PLEKHA5: variants seen among roughly 807,000 people sequenced by gnomAD.
PLEKHA5 encodes the protein pleckstrin homology domain-containing family A member 5.
Under a neutral mutation model 181.9 loss-of-function variants are expected in PLEKHA5, and 55 were observed. The ratio of observed to expected loss-of-function variants is 0.30; its 90% CI spans 0.24 to 0.38. The LOEUF is 0.38. Among genes scored for constraint, PLEKHA5 ranks in the 10% least tolerant of loss-of-function variants. The probability of loss-of-function intolerance (pLI) is 1.00; values close to 1 mark genes in which losing one functional copy is unlikely to be tolerated. For synonymous variants in PLEKHA5, 535 were observed against 529.4 expected (o/e 1.01, Z -0.15); for missense variants, 1,432 against 1,549.5 (o/e 0.92, Z 1.27).
At chr12:19,172,160 T>C (rs1400853427) in intron 3 of PLEKHA5, among the ~76,000 whole-genome samples, 1 of 152,232 alleles carries the variant, frequency 6.6e-6, no homozygotes, top group East Asian at 1.9e-4. Flanking sequence ...TAATTGTATG[T>C]GTTATATACT....
chr12:19,211,098 A>G (rs1212354626), intron 3 of PLEKHA5, among the ~76,000 whole-genome samples: 1 of 152,170 alleles, frequency 6.6e-6, no homozygotes, highest in Non-Finnish European at 1.5e-5. Flanking sequence ...TTTAATACTT[A>G]AAAATTATGA....
At chr12:19,291,092 T>A (rs2078323502) in intron 14 of PLEKHA5, among the ~76,000 whole-genome samples, 4 of 152,214 alleles carry the variant, frequency 2.6e-5, no homozygotes. Flanking sequence ...TAACTTCATG[T>A]TGTTACTCAC....
chr12:19,280,429 G>A (rs561154590), intron 11 of PLEKHA5, among the ~76,000 whole-genome samples: 7 of 152,192 alleles, frequency 4.6e-5, no homozygotes, highest in African/African-American at 1.7e-4. Context: ...CAGATTATCA[G>A]CGAAGGATTC....
intron 15 of PLEKHA5, chr12:19,306,293 G>C (rs553507737): frequency 5.5e-6 from 2 of 366,678 alleles, no homozygotes; most frequent in Admixed American, 3.7e-5. Context: ...TTTACAGCTA[G>C]AGTTAATTAT....
At chr12:19,146,456 C>T (rs10770437) in intron 3 of PLEKHA5, among the ~76,000 whole-genome samples, 114,527 of 152,070 alleles carry the variant, frequency 0.75, 46,458 homozygotes, top group Non-Finnish European at 0.91. Flanking sequence ...GTAGACATCT[C>T]GAAAATATTT....
chr12:19,279,353 C>G (rs867769636), intron 11 of PLEKHA5, among the ~76,000 whole-genome samples: 3 of 152,050 alleles, frequency 2.0e-5, no homozygotes, highest in Non-Finnish European at 2.9e-5. Context: ...AGCCCGCAAG[C>G]TCTTTCTGTA....
chr12:19,355,857 G>A (rs1042533436), intron 26 of PLEKHA5, among the ~76,000 whole-genome samples: 1 of 151,918 alleles, frequency 6.6e-6, no homozygotes, highest in African/African-American at 2.4e-5. Flanking sequence ...ACTACAAAAA[G>A]TGCATGTTAA....
chr12:19,220,598 C>T (rs2058795476), intron 3 of PLEKHA5, among the ~76,000 whole-genome samples: 1 of 152,060 alleles, frequency 6.6e-6, no homozygotes, highest in African/African-American at 2.4e-5. Flanking sequence ...ATCTTTAATC[C>T]CTTCTCCATA....
intron 3 of PLEKHA5, among the ~76,000 whole-genome samples, chr12:19,220,023 A>G (rs2058679266): frequency 6.6e-6 from 1 of 152,132 alleles, no homozygotes; most frequent in Admixed American, 6.6e-5. Flanking sequence ...TAATTACAAA[A>G]CCTAAATGAT....
chr12:19,362,561 C>T (rs1000581336), intron 29 of PLEKHA5, among the ~76,000 whole-genome samples: 2 of 151,694 alleles, frequency 1.3e-5, no homozygotes, highest in African/African-American at 4.8e-5. Context: ...AAAGAAAATA[C>T]ATGTACAGCA....
At chr12:19,348,365 G>T in intron 24 of PLEKHA5, 34 bp from the exon 25 acceptor site, 1 of 1,528,264 alleles carries the variant, frequency 6.5e-7, no homozygotes, top group Non-Finnish European at 8.8e-7. Flanking sequence ...ACTTTTAGCA[G>T]TTTTTTAGGG....
intron 15 of PLEKHA5, among the ~76,000 whole-genome samples, chr12:19,299,236 T>G (rs1484433479): frequency 6.6e-6 from 1 of 152,244 alleles, no homozygotes; most frequent in African/African-American, 2.4e-5. Context: ...TAAACTGGAA[T>G]TAAATGTACT....
intron 17 of PLEKHA5, 24 bp from the exon 18 acceptor site, chr12:19,320,538 T>G: frequency 8.5e-7 from 1 of 1,169,872 alleles, no homozygotes; most frequent in Non-Finnish European, 1.3e-6. Context: ...TTTTTTAAGT[T>G]GCTATATGAT....
intron 30 of PLEKHA5, 74 bp from the exon 31 acceptor site, chr12:19,369,619 A>G (rs1344554247): frequency 2.5e-6 from 2 of 797,576 alleles, no homozygotes; most frequent in Non-Finnish European, 4.2e-6. Flanking sequence ...TTGTGGGATT[A>G]CAGCATCAGG....
At chr12:19,148,547 G>A (rs1158626426) in intron 3 of PLEKHA5, among the ~76,000 whole-genome samples, 4 of 152,108 alleles carry the variant, frequency 2.6e-5, no homozygotes, top group Admixed American at 6.5e-5. Flanking sequence ...TTGATTCTCA[G>A]GACAACCCCA....
At chr12:19,185,565 A>AT (rs1325088917) in intron 3 of PLEKHA5, among the ~76,000 whole-genome samples, 1 of 152,194 alleles carries the variant, frequency 6.6e-6, no homozygotes, top group Non-Finnish European at 1.5e-5. Context: ...ACTTTATCAT[A>AT]TTAGTTGAGT....
chr12:19,183,547 C>T (rs986622492), intron 3 of PLEKHA5, among the ~76,000 whole-genome samples: 2 of 151,944 alleles, frequency 1.3e-5, no homozygotes, highest in East Asian at 1.9e-4. Context: ...CAGATTGTAA[C>T]GACACTTTAA....
chr12:19,152,577 GGGTCCAA>G (rs2040682963), intron 3 of PLEKHA5: 1 of 152,096 alleles, frequency 6.6e-6, no homozygotes, highest in African/African-American at 2.4e-5. Context: ...TACGAACTTG[GGGTCCAA>G]TGATATTTTT....
chr12:19,343,327 A>T lies in PLEKHA5; in HGVS notation c.2555A>T (p.Glu852Val), dbSNP rs758035919. ...TCTATCCATTTTTACTGATAGACGG[A>T]ATCAGCAGGAATTCAGCGTGCACAG... ...QLDHLGEVQT[E>V]SAGIQRAQIQ... The change falls in exon 22 of 32, where the codon GAA becomes GTA. Residue 852 changes from glutamate (E) to valine (V), a missense_variant. Around this residue, in one of 2 missense-constraint regions of PLEKHA5, gnomAD observed 1,143 missense variants for 1,168.4 expected, o/e 0.98. Coordinates refer to ENST00000429027, the MANE Select transcript of PLEKHA5 (RefSeq NM_001256470.2). 1.2e-6 allele frequency: 2 copies of T among 1,607,100 alleles called. No individual in the cohort carries two copies. Among genetic ancestry groups the T allele is most frequent in the South Asian group, 2.2e-5 (2 of 90,752 alleles).
Sources: allele counts gnomAD v4.1 joint callset (sites outside exome capture counted in the v4.1 genomes callset), GRCh38; gene constraint gnomAD v4.1.1; regional missense constraint gnomAD v4.1.1; transcripts MANE v1.5; gene names NCBI Gene and HGNC (gene_info 2026-07-23, HGNC 2026-07-21).